PTPN22: variants seen among roughly 807,000 people sequenced by gnomAD.
The protein encoded by PTPN22 is protein tyrosine phosphatase non-receptor type 22.
Under a neutral mutation model 103.3 loss-of-function variants are expected in PTPN22, and 85 were observed. The ratio of observed to expected loss-of-function variants is 0.82; its 90% confidence interval spans 0.69 to 0.99. The LOEUF (loss-of-function observed/expected upper bound fraction) is 0.99. Among genes scored for constraint, PTPN22 ranks in the 50% least tolerant of loss-of-function variants. The probability of loss-of-function intolerance (pLI) is 0.00; values close to 1 mark genes in which losing one functional copy is unlikely to be tolerated. For missense variants in PTPN22, 865 were observed against 936.9 expected, an observed-to-expected ratio of 0.92 and a Z score of 1.00; for synonymous variants, 323 against 310.2, an observed-to-expected ratio of 1.04 and a Z score of -0.43.
At chr1:113,869,215 G>A (rs969709724) in intron 1 of PTPN22, among the ~76,000 whole-genome samples, 12 of 151,828 alleles carry the variant, frequency 7.9e-5, no homozygotes, top group South Asian at 2.1e-4. Context: ...AAACTTTGTC[G>A]CCCCCAAAAA....
chr1:113,835,541 A>G (rs1662926053), intron 13 of PTPN22, among the ~76,000 whole-genome samples: 1 of 152,126 alleles, frequency 6.6e-6, no homozygotes, highest in Non-Finnish European at 1.5e-5. Flanking sequence ...AATAATAAAT[A>G]AATAAAAGCT....
At chr1:113,848,577 T>C in exon 11 of PTPN22, 1 of 1,613,602 alleles carries the variant, frequency 6.2e-7, no homozygotes. Context: ...AACATCCATC[T>C]GTCTCTTAAA....
intron 9 of PTPN22, among the ~76,000 whole-genome samples, chr1:113,853,302 G>C (rs1306157739): frequency 6.6e-6 from 1 of 151,066 alleles, no homozygotes; most frequent in Admixed American, 6.6e-5. Context: ...GTGATATCCA[G>C]TAAAATATAA....
rs778132973 is a variant in PTPN22 at position 113,854,518 on chromosome 1, CA to C, written c.702del (p.Gly235ValfsTer13). 6.2e-7 allele frequency: 1 copy of C among 1,613,878 alleles called. No homozygotes were observed. The highest frequency in any genetic ancestry group is 8.5e-7 in the Non-Finnish European group (1 of 1,179,756). On this transcript the variant is annotated frameshift_variant, in exon 9 of 21. Transcript: ENST00000359785. LOFTEE classifies it high-confidence loss of function. ...GTATAATCAATAGCACAAATAACAC[CA>C]GTCCTTCCACAGCCAGCACTGAAAT...
intron 11 of PTPN22, among the ~76,000 whole-genome samples, chr1:113,841,212 G>A (rs182590614): frequency 1.1e-4 from 16 of 151,002 alleles, no homozygotes; most frequent in Admixed American, 1.1e-3. Context: ...CAGCAAGAAC[G>A]AAACTCCATC....
chr1:113,825,271 C>A, intron 18 of PTPN22, 99 bp from the exon 19 acceptor site: 2 of 790,346 alleles, frequency 2.5e-6, no homozygotes, highest in African/African-American at 1.8e-5. Context: ...ATTTAATTTC[C>A]TTAAAAATAG....
At chr1:113,851,913 G>A (rs577422639) in intron 10 of PTPN22, 114 bp downstream of exon 10, 6 of 637,374 alleles carry the variant, frequency 9.4e-6, no homozygotes, top group South Asian at 8.2e-5. Flanking sequence ...TCTAGAGCAC[G>A]TAATGGTAAA....
chr1:113,856,722 T>C, intron 5 of PTPN22, 103 bp from the exon 6 acceptor site: 1 of 1,497,646 alleles, frequency 6.7e-7, no homozygotes, highest in Non-Finnish European at 9.1e-7. Flanking sequence ...CACCTTAGGT[T>C]AGGTGCGTCT....
At chr1:113,855,545 A>G (rs1571440975) in intron 7 of PTPN22, among the ~76,000 whole-genome samples, 1 of 152,044 alleles carries the variant, frequency 6.6e-6, no homozygotes, top group Non-Finnish European at 1.5e-5. Flanking sequence ...TTATTTTAAA[A>G]ATAGCCAGGA....
intron 11 of PTPN22, among the ~76,000 whole-genome samples, chr1:113,839,277 G>A (rs1261167769): frequency 6.6e-6 from 1 of 151,788 alleles, no homozygotes; most frequent in African/African-American, 2.4e-5. Flanking sequence ...ACAGGGCCTC[G>A]CTGTATTGCC....
In PTPN22 at chr1:113,857,750, A is replaced by T; in HGVS notation, c.396T>A (p.Tyr132Ter). The change falls in exon 5 of 21, where the codon TAT becomes TAA. Residue 132 changes from tyrosine (Y) to a stop codon, truncating the protein, a stop_gained. Transcript: ENST00000359785. LOFTEE classifies it high-confidence loss of function. ...GAAAGTAACTTACCTTTCCCATTTC[A>T]TACTCCATGCATGCCATAACAATGA... 6.2e-7 allele frequency: 1 copy of T among 1,611,834 alleles called. No homozygotes were observed. Among genetic ancestry groups the T allele is most frequent in the East Asian group, 2.2e-5 (1 of 44,676 alleles).
intron 16 of PTPN22, among the ~76,000 whole-genome samples, chr1:113,830,974 A>G (rs769811661): frequency 5.3e-5 from 8 of 152,196 alleles, no homozygotes; most frequent in African/African-American, 1.7e-4. Flanking sequence ...ACACAAGTGT[A>G]GTACTTATTT....
intron 4 of PTPN22, chr1:113,858,000 C>T (rs1279268028): frequency 2.9e-6 from 1 of 350,430 alleles, no homozygotes; most frequent in African/African-American, 2.1e-5. Context: ...ATCTTGTTAC[C>T]AAATGAGCCT....
At chr1:113,818,728 A>C (rs1661358304) in intron 20 of PTPN22, among the ~76,000 whole-genome samples, 1 of 152,186 alleles carries the variant, frequency 6.6e-6, no homozygotes, top group Non-Finnish European at 1.5e-5. Context: ...CACATGTCTA[A>C]GTTCTCTTCA....
chr1:113,842,395 G>A (rs898699567), intron 11 of PTPN22, among the ~76,000 whole-genome samples: 4 of 152,192 alleles, frequency 2.6e-5, no homozygotes, highest in African/African-American at 9.7e-5. Flanking sequence ...AACAAAATAG[G>A]CCAGGCGTGG....
chr1:113,857,608 C>A, intron 5 of PTPN22, 130 bp downstream of exon 5: 1 of 803,060 alleles, frequency 1.2e-6, no homozygotes, highest in Non-Finnish European at 2.0e-6. Context: ...CGTGGCATTC[C>A]CAAACTGAAA....
chr1:113,841,559 T>C (rs988192604), intron 11 of PTPN22, among the ~76,000 whole-genome samples: 1 of 150,714 alleles, frequency 6.6e-6, no homozygotes, highest in African/African-American at 2.4e-5. Flanking sequence ...CCAGAATACA[T>C]AGAGAACTCC....
rs200849500 is a variant in PTPN22, at chr1:113,837,658, T to C, written c.1742A>G (p.His581Arg). The C allele has an allele frequency of 5.9e-5, 95 of 1,605,018 alleles. No individual in the cohort carries two copies. The Middle Eastern group carries it at 1.2e-3, about 20-fold the overall frequency. The stretch of plus-strand genomic sequence containing the variant: ...TGGAGAATTCAGTGATAAAGAATCA[T>C]GTGAATTGTAATAAGAGAAGAGGGA... The change falls in exon 13 of 21, where the codon CAT becomes CGT. Residue 581 changes from histidine to arginine, a missense_variant. Physicochemically the swap from His to Arg is conservative, Grantham distance 29. Around this residue, in one of 3 missense-constraint regions of PTPN22, gnomAD observed 401 missense variants for 388.6 expected, o/e 1.03. Coordinates refer to ENST00000359785, the Ensembl canonical transcript of PTPN22.
At chr1:113,855,113 TTATGCTCAC>T in intron 7 of PTPN22, 64 bp from the exon 8 acceptor site, 1 of 1,395,998 alleles carries the variant, frequency 7.2e-7, no homozygotes, top group Non-Finnish European at 1.0e-6. Flanking sequence ...CTATTGGGTA[TTATGCTCAC>T]TACCTGGGTG....
Sources: allele counts gnomAD v4.1 joint callset (sites outside exome capture counted in the v4.1 genomes callset), GRCh38; gene constraint gnomAD v4.1.1; regional missense constraint gnomAD v4.1.1; transcripts MANE v1.5; gene names NCBI Gene and HGNC (gene_info 2026-07-23, HGNC 2026-07-21).